Variants in SMPD3 observed in about 807,000 individuals in gnomAD.
SMPD3 encodes sphingomyelin phosphodiesterase 3.
SMPD3 carries 21 observed loss-of-function variants against 55.7 expected under a neutral mutation model. The observed-to-expected ratio is 0.38, with a 90% CI of 0.27 to 0.54. The LOEUF is 0.54. Among genes scored for constraint, SMPD3 ranks in the 20% least tolerant of loss-of-function variants. SMPD3 has a pLI of 0.80. For synonymous variants in SMPD3, 457 were observed against 404.3 expected, an observed-to-expected ratio of 1.13 and a Z score of -1.56; for missense variants, 842 against 899.6, an observed-to-expected ratio of 0.94 and a Z score of 0.82.
chr16:68,406,488 C>T (rs1329023575), intron 1 of SMPD3, among the ~76,000 whole-genome samples: 2 of 152,174 alleles, frequency 1.3e-5, no homozygotes, highest in African/African-American at 2.4e-5. Flanking sequence ...AAGTGTCCAG[C>T]CCTCTGAAGG....
At chr16:68,397,826 G>A (rs577678244) in intron 1 of SMPD3, among the ~76,000 whole-genome samples, 5 of 152,264 alleles carry the variant, frequency 3.3e-5, no homozygotes, top group East Asian at 1.9e-4. Context: ...GCAGTGCTTC[G>A]TCTTAGGGCC....
At chr16:68,396,093 C>G (rs992725559) in intron 1 of SMPD3, among the ~76,000 whole-genome samples, 1 of 152,142 alleles carries the variant, frequency 6.6e-6, no homozygotes, top group South Asian at 2.1e-4. Context: ...GAGTCAAGGC[C>G]AATTACTCCT....
At chr16:68,406,102 G>T (rs1011746631) in intron 1 of SMPD3, among the ~76,000 whole-genome samples, 1 of 152,112 alleles carries the variant, frequency 6.6e-6, no homozygotes, top group South Asian at 2.1e-4. Flanking sequence ...CCCTTAACCA[G>T]TCTGCCAGTC....
chr16:68,400,312 C>T (rs1567800810), intron 1 of SMPD3, among the ~76,000 whole-genome samples: 1 of 152,144 alleles, frequency 6.6e-6, no homozygotes, highest in African/African-American at 2.4e-5. Context: ...CCAGGGTGTC[C>T]CCCTGACCTT....
chr16:68,371,287 G>T lies in SMPD3; in HGVS notation c.895C>A (p.Arg299=). ...SGSLGSPSAS[R]ESLVKGRAGP... ...GCTCGCCCCTTCACCAGGGACTCCC[G>T]GGAGGCCGAGGGGCTGCCCAGGCTC... Residue 299 remains arginine, a synonymous_variant, in exon 3 of 9, where the codon CGG becomes AGG. Coordinates refer to ENST00000219334, the MANE Select transcript of SMPD3 (RefSeq NM_018667.4). The T allele has an allele frequency of 1.2e-6, 2 of 1,603,130 alleles. No individual in the cohort carries two copies. The highest frequency in any genetic ancestry group is 1.7e-6 in the Non-Finnish European group (2 of 1,178,964).
chr16:68,376,781 A>G (rs2089826660), intron 2 of SMPD3, among the ~76,000 whole-genome samples: 1 of 152,102 alleles, frequency 6.6e-6, no homozygotes, highest in African/African-American at 2.4e-5. Context: ...GTCAGCCCCG[A>G]CCTAGAAAAG....
chr16:68,391,374 A>T (rs2090109587), intron 1 of SMPD3, among the ~76,000 whole-genome samples: 1 of 152,212 alleles, frequency 6.6e-6, no homozygotes, highest in African/African-American at 2.4e-5. Flanking sequence ...TGGACCTGAC[A>T]TCCTTTCAGA....
At chr16:68,402,105 C>T (rs1259370094) in intron 1 of SMPD3, among the ~76,000 whole-genome samples, 2 of 152,210 alleles carry the variant, frequency 1.3e-5, no homozygotes, top group African/African-American at 2.4e-5. Flanking sequence ...TCACATCTCT[C>T]TCCCTTTTAG....
intron 1 of SMPD3, among the ~76,000 whole-genome samples, chr16:68,411,564 C>A (rs1249225226): frequency 1.3e-5 from 2 of 152,140 alleles, no homozygotes; most frequent in South Asian, 2.1e-4. Flanking sequence ...TGATGGCCAG[C>A]AGGGCTGCCC....
At chr16:68,417,115 T>A (rs1201154901) in intron 1 of SMPD3, among the ~76,000 whole-genome samples, 1 of 151,966 alleles carries the variant, frequency 6.6e-6, no homozygotes, top group Non-Finnish European at 1.5e-5. Context: ...CACTCAAAAT[T>A]AAGCCCTTTC....
At chr16:68,365,335 G>A (rs560778277) in intron 3 of SMPD3, among the ~76,000 whole-genome samples, 25 of 152,244 alleles carry the variant, frequency 1.6e-4, no homozygotes, top group Non-Finnish European at 3.2e-4. Flanking sequence ...GGCCATCTGT[G>A]CAAAGCATGG....
intron 3 of SMPD3, chr16:68,367,404 T>TA (rs2089514088): frequency 6.6e-6 from 1 of 151,676 alleles, no homozygotes; most frequent in South Asian, 2.1e-4. Flanking sequence ...TCACATGGTC[T>TA]AAGAGGCAGC....
intron 8 of SMPD3, 145 bp downstream of exon 8, chr16:68,361,458 G>A (rs1486884061): frequency 8.7e-6 from 12 of 1,379,024 alleles, no homozygotes; most frequent in Non-Finnish European, 1.2e-5. Flanking sequence ...GAGGACCTGG[G>A]GCCCTAAGGG....
rs1370356168 is a variant in SMPD3 at position 68,360,847 on chromosome 16, CAAAAA to C, written c.*354_*358del. Reference sequence around the variant, plus strand: ...CATGCGAGACGACATTGGCAGCAGACAAAAATAAAGAACCCTGGACGAAGCTTAAG... The same window carrying C: ...CATGCGAGACGACATTGGCAGCAGACTAAAGAACCCTGGACGAAGCTTAAG... On this transcript the variant is annotated 3_prime_UTR_variant, in exon 9 of 9. Transcript: ENST00000219334. 4.5e-6 allele frequency: 1 copy of C among 220,916 alleles called. No individual in the cohort carries two copies. Among genetic ancestry groups the C allele is most frequent in the Admixed American group, 5.2e-5 (1 of 19,166 alleles). The allele number at this position is 220,916 out of a possible 1,614,324, so 13.7% of individuals were successfully genotyped here. A position where few individuals can be genotyped will look rare whatever the true frequency, so the allele number is the denominator to read the frequency against.
intron 1 of SMPD3, among the ~76,000 whole-genome samples, chr16:68,427,752 TG>T (rs67002357): frequency 2.6e-3 from 381 of 147,950 alleles, no homozygotes; most frequent in Middle Eastern, 0.01. Flanking sequence ...TAAAAATGAC[TG>T]GGGGGGGGTG....
At position 68,371,052 on chromosome 16, in the gene SMPD3, T is replaced by C. The variant is rs1300008985; in HGVS notation, c.1130A>G (p.Gln377Arg). ...DKRAATKLKE[Q>R]LHGYFEYILY... ...GATGTACTCGAAGTAGCCGTGCAGC[T>C]GCTCTTTCAATTTGGTGGCTGCTCG... is the stretch of plus-strand genomic sequence containing the variant. Residue 377 changes from glutamine (Q) to arginine (R), a missense_variant, in exon 3 of 9, where the codon CAG (glutamine) becomes CGG (arginine). Gln to Arg is a conservative substitution (Grantham distance 43). Transcript: ENST00000219334. The C allele has an allele frequency of 6.2e-7, 1 of 1,614,210 alleles. No individual in the cohort carries two copies. Among genetic ancestry groups the C allele is most frequent in the Non-Finnish European group, 8.5e-7 (1 of 1,180,040 alleles).
At chr16:68,361,803 CT>C (rs761572378) in intron 7 of SMPD3, 44 bp from the exon 8 acceptor site, 4 of 1,503,228 alleles carry the variant, frequency 2.7e-6, no homozygotes, top group Non-Finnish European at 3.6e-6. Context: ...ATGCCCGCCC[CT>C]GTGGGCCTGG....
intron 1 of SMPD3, among the ~76,000 whole-genome samples, chr16:68,429,595 G>T (rs1000483007): frequency 3.3e-5 from 5 of 152,184 alleles, no homozygotes; most frequent in Admixed American, 1.3e-4. Flanking sequence ...CTCCTGCAGG[G>T]TTGCGTGATC....
chr16:68,412,272 C>T (rs528496162), intron 1 of SMPD3, among the ~76,000 whole-genome samples: 11 of 152,306 alleles, frequency 7.2e-5, no homozygotes, highest in Non-Finnish European at 1.3e-4. Flanking sequence ...AGCCCTGTGC[C>T]AACACGCACT....
Sources: allele counts gnomAD v4.1 joint callset (sites outside exome capture counted in the v4.1 genomes callset), GRCh38; gene constraint gnomAD v4.1.1; transcripts MANE v1.5; gene names NCBI Gene and HGNC (gene_info 2026-07-23, HGNC 2026-07-21).